Variants in NMBR observed in about 807,000 individuals in gnomAD.
NMBR encodes neuromedin B receptor.
In NMBR, 16 loss-of-function variants were observed where a neutral mutation model predicts 20.5. That is an observed-to-expected ratio of 0.78 (90% CI 0.53 to 1.19). NMBR has a LOEUF of 1.19. Among genes scored for constraint, NMBR ranks in the 50% most tolerant of loss-of-function variants. The pLI, the probability that NMBR is intolerant of heterozygous loss-of-function variation, is 0.00. For missense variants in NMBR, 582 were observed against 499.1 expected, an observed-to-expected ratio of 1.17 and a Z score of -1.58; for synonymous variants, 212 against 196.6, an observed-to-expected ratio of 1.08 and a Z score of -0.65.
chr6:142,146,722 A>G (rs992807677), intron 1 of NMBR, among the ~76,000 whole-genome samples: 2 of 152,234 alleles, frequency 1.3e-5, no homozygotes, highest in African/African-American at 4.8e-5. Flanking sequence ...ATTTGGCGCG[A>G]AATCTGATTA....
chr6:142,092,085 A>G (rs1777336145), intron 1 of NMBR, among the ~76,000 whole-genome samples: 1 of 152,148 alleles, frequency 6.6e-6, no homozygotes, highest in African/African-American at 2.4e-5. Context: ...CGCTATTATC[A>G]TTGTTATTTA....
At chr6:142,122,455 A>G (rs1582857108) in intron 1 of NMBR, among the ~76,000 whole-genome samples, 1 of 151,998 alleles carries the variant, frequency 6.6e-6, no homozygotes, top group Non-Finnish European at 1.5e-5. Flanking sequence ...TGTAGAAGCT[A>G]TAGCAAGTTA....
intron 1 of NMBR, among the ~76,000 whole-genome samples, chr6:142,145,020 TAA>T (rs34522158): frequency 2.0e-5 from 2 of 97,638 alleles, no homozygotes; most frequent in Non-Finnish European, 1.9e-5. Context: ...AGAACCTGTC[TAA>T]AAAAAAAAAA....
chr6:142,132,631 A>G (rs997403264), intron 1 of NMBR, among the ~76,000 whole-genome samples: 6 of 152,234 alleles, frequency 3.9e-5, no homozygotes, highest in African/African-American at 1.4e-4. Flanking sequence ...GAAATTAATT[A>G]TACTCTATGG....
rs769274489 is a variant in NMBR at position 142,088,687 on chromosome 6, G to A, written c.-29C>T. 1.3e-6 allele frequency: 2 copies of A among 1,574,266 alleles called. No individual in the cohort carries two copies. The highest frequency in any genetic ancestry group is 3.4e-5 in the Admixed American group (2 of 58,570). On this transcript the variant is annotated 5_prime_UTR_variant, in exon 2 of 4. Coordinates refer to ENST00000258042, the MANE Select transcript of NMBR (RefSeq NM_002511.4). The stretch of plus-strand genomic sequence containing the variant: ...CTCCTTTCCAGCAGAGTCCGCTGGA[G>A]TTTTCACGCGCTCCGGTGCCCTGAG...
At chr6:142,112,171 T>C (rs901709433) in intron 1 of NMBR, among the ~76,000 whole-genome samples, 1 of 152,156 alleles carries the variant, frequency 6.6e-6, no homozygotes, top group Non-Finnish European at 1.5e-5. Flanking sequence ...ATTTTTAAAG[T>C]TGGAACACTT....
intron 2 of NMBR, among the ~76,000 whole-genome samples, chr6:142,088,009 G>T (rs112915599): frequency 0.02 from 3,064 of 151,944 alleles, 110 homozygotes; most frequent in African/African-American, 0.069. Flanking sequence ...AATTTTAATT[G>T]TTTTTTTTAA....
intron 1 of NMBR, among the ~76,000 whole-genome samples, chr6:142,097,339 C>T (rs1777474513): frequency 6.6e-6 from 1 of 152,074 alleles, no homozygotes; most frequent in Non-Finnish European, 1.5e-5. Flanking sequence ...TTTAGTGCTT[C>T]CTTCAGGAGA....
intron 1 of NMBR, among the ~76,000 whole-genome samples, chr6:142,124,102 A>C (rs959082483): frequency 2.0e-5 from 3 of 152,012 alleles, no homozygotes; most frequent in Non-Finnish European, 4.4e-5. Flanking sequence ...GAAAGGGGAC[A>C]GAAAAAATAT....
intron 1 of NMBR, among the ~76,000 whole-genome samples, chr6:142,116,851 T>C (rs1001932261): frequency 1.3e-5 from 2 of 152,050 alleles, no homozygotes; most frequent in Non-Finnish European, 2.9e-5. Flanking sequence ...GCCATAATTA[T>C]TATCATTGTC....
At chr6:142,102,439 A>T (rs1777582492) in intron 1 of NMBR, among the ~76,000 whole-genome samples, 1 of 151,852 alleles carries the variant, frequency 6.6e-6, no homozygotes, top group Non-Finnish European at 1.5e-5. Context: ...CAGCCTGTTC[A>T]TTGATCCCCT....
At chr6:142,099,126 A>G (rs1330903522) in intron 1 of NMBR, among the ~76,000 whole-genome samples, 2 of 152,168 alleles carry the variant, frequency 1.3e-5, no homozygotes, top group African/African-American at 4.8e-5. Context: ...ATGAACCTAG[A>G]CATAGAGTTT....
chr6:142,097,156 C>G (rs946115934), intron 1 of NMBR, among the ~76,000 whole-genome samples: 1 of 151,992 alleles, frequency 6.6e-6, no homozygotes. Context: ...TTAATTGGAG[C>G]ATTTAGCCCA....
intron 1 of NMBR, among the ~76,000 whole-genome samples, chr6:142,141,887 C>G (rs991242094): frequency 6.6e-6 from 1 of 152,040 alleles, no homozygotes; most frequent in African/African-American, 2.4e-5. Flanking sequence ...TGATATAAAA[C>G]CCAAAGACAA....
rs1776910940 is a variant in NMBR at position 142,075,378 on chromosome 6, T to A, written c.*270A>T. Among the ~76,000 whole-genome samples, 1 of 152,110 alleles carries A rather than the reference T, an allele frequency of 6.6e-6. No individual in the cohort carries two copies. The highest frequency in any genetic ancestry group is 2.1e-4 in the South Asian group (1 of 4,828). On this transcript the variant is annotated 3_prime_UTR_variant, in exon 4 of 4. Coordinates refer to ENST00000258042, the MANE Select transcript of NMBR (RefSeq NM_002511.4). ...CATCTTAAATGTGAAATATATATAA[T>A]GTACATGTGTGTACATGTGTGTGTG...
rs1167628417 is a variant in NMBR, at chr6:142,095,163, G to T, written c.-663-5842C>A. Among the ~76,000 whole-genome samples, 11 of 151,820 alleles carry T rather than the reference G, an allele frequency of 7.2e-5. 1 individual carries two copies. The highest frequency in any genetic ancestry group is 4.2e-4 in the South Asian group (2 of 4,816). On this transcript the variant is annotated intron_variant, in intron 1 of 3. Transcript: ENST00000258042. ...CTTTATTTCCTTCTCCTGCCTAATT[G>T]CCCTGGCCAGAACTTCCAACACTAT... is the stretch of plus-strand genomic sequence containing the variant.
chr6:142,088,772 A>G lies in NMBR; in HGVS notation c.-114T>C. 1 of 970,748 alleles carries G rather than the reference A, an allele frequency of 1.0e-6. No individual in the cohort carries two copies. The highest frequency in any genetic ancestry group is 1.5e-6 in the Non-Finnish European group (1 of 668,270). 60.1% of individuals were successfully genotyped at this position (970,748 alleles called of 1,614,324 possible). The stretch of plus-strand genomic sequence containing the variant: ...CCCTCCCTCTCGCCCCTGCAAGTTT[A>G]CTGTCCGCGGGGCAAGCCTCACAGC... On this transcript the variant is annotated 5_prime_UTR_variant, in exon 2 of 4. Coordinates refer to ENST00000258042, the MANE Select transcript of NMBR (RefSeq NM_002511.4).
intron 2 of NMBR, among the ~76,000 whole-genome samples, chr6:142,084,008 G>C (rs918475627): frequency 1.3e-5 from 2 of 152,182 alleles, no homozygotes; most frequent in Admixed American, 1.3e-4. Context: ...TGAGAGGCAA[G>C]GGCTATGGAG....
chr6:142,078,606 A>C lies in NMBR; in HGVS notation c.720T>G (p.Ile240Met). 1 of 1,612,204 alleles carries C rather than the reference A, an allele frequency of 6.2e-7. No homozygotes were observed. The highest frequency in any genetic ancestry group is 8.5e-7 in the Non-Finnish European group (1 of 1,179,034). The change falls in exon 3 of 4, where the codon ATT becomes ATG. Residue 240 changes from isoleucine to methionine, a missense_variant. Transcript: ENST00000258042. ...CTCCAGGAAGATTGTGTGCGCTTTT[A>C]ATTAAGGTCTTTGCAATATGATAAT... is the stretch of plus-strand genomic sequence containing the variant. Reference protein sequence around the residue: ...IYYYHIAKTLIKSAHNLPGEY... With the variant: ...IYYYHIAKTLMKSAHNLPGEY...
Sources: allele counts gnomAD v4.1 joint callset (sites outside exome capture counted in the v4.1 genomes callset), GRCh38; gene constraint gnomAD v4.1.1; transcripts MANE v1.5; gene names NCBI Gene and HGNC (gene_info 2026-07-23, HGNC 2026-07-21).